ACSF3: variants seen among roughly 807,000 people sequenced by gnomAD.
ACSF3 encodes the protein acyl-CoA synthetase family member 3.
ACSF3 carries 78 observed loss-of-function variants against 53.2 expected under a neutral mutation model. The observed-to-expected ratio is 1.47, with a 90% confidence interval of 1.22 to 1.77. The LOEUF (loss-of-function observed/expected upper bound fraction) is 1.77, where lower values mean the gene tolerates loss of function less well. Ranked by LOEUF, ACSF3 falls within the 40% of genes most tolerant of loss-of-function variation. The pLI is 0.00. For synonymous variants in ACSF3, 414 were observed against 333.1 expected (o/e 1.24, Z -2.65); for missense variants, 937 against 771.1 (o/e 1.22, Z -2.55).
At chr16:89,108,618 C>T (rs373751493) in intron 4 of ACSF3, among the ~76,000 whole-genome samples, 13 of 152,264 alleles carry the variant, frequency 8.5e-5, no homozygotes, top group African/African-American at 2.9e-4. Context: ...GAGATGGCAG[C>T]GTGTGCAAAT....
At chr16:89,122,511 C>A in intron 7 of ACSF3, 1 of 372,304 alleles carries the variant, frequency 2.7e-6, no homozygotes, top group Non-Finnish European at 5.5e-6. Context: ...AAGTCTGTGC[C>A]CTGCAGTGCC....
intron 8 of ACSF3, chr16:89,136,793 C>T (rs755162707): frequency 3.9e-5 from 50 of 1,287,112 alleles, no homozygotes; most frequent in Admixed American, 2.5e-4. Flanking sequence ...CAGGGGTCTC[C>T]GCTGCTGCTC....
At chr16:89,098,026 ATC>A (rs1974823374) in intron 1 of ACSF3, among the ~76,000 whole-genome samples, 1 of 151,974 alleles carries the variant, frequency 6.6e-6, no homozygotes, top group African/African-American at 2.4e-5. Context: ...GTGAGCCGAG[ATC>A]GTGCCACTGC....
At position 89,112,248 on chromosome 16, in the gene ACSF3, T is replaced by G; in HGVS notation, c.977+2T>G. 1 of 1,614,104 alleles carries G rather than the reference T, an allele frequency of 6.2e-7. No individual in the cohort carries two copies. The highest frequency in any genetic ancestry group is 1.6e-4 in the Middle Eastern group (1 of 6,062). On this transcript the variant is annotated splice_donor_variant, in intron 5 of 10. Coordinates refer to ENST00000614302, the MANE Select transcript of ACSF3 (RefSeq NM_001243279.3). LOFTEE classifies it high-confidence loss of function. ...TGCAGTTTGTGAAGAAAAAATTAGGTAAGTGAAAAGAGCCCACTTTCTCGT... is the reference window on the plus strand; with the variant it reads ...TGCAGTTTGTGAAGAAAAAATTAGGGAAGTGAAAAGAGCCCACTTTCTCGT...
intron 1 of ACSF3, among the ~76,000 whole-genome samples, chr16:89,095,749 GC>G (rs1436651157): frequency 6.6e-6 from 1 of 152,210 alleles, no homozygotes; most frequent in Admixed American, 6.5e-5. Context: ...TGAGCACGGC[GC>G]GGCCGTTTGT....
At chr16:89,116,350 G>A (rs577859555) in intron 6 of ACSF3, among the ~76,000 whole-genome samples, 24 of 152,260 alleles carry the variant, frequency 1.6e-4, no homozygotes, top group South Asian at 4.1e-4. Context: ...TAGGGTAAGC[G>A]TGGACATGGG....
intron 6 of ACSF3, 136 bp from the exon 7 acceptor site, chr16:89,120,663 CAG>C (rs1410995006): frequency 1.1e-5 from 9 of 827,990 alleles, no homozygotes; most frequent in Non-Finnish European, 1.9e-5. Context: ...CTCTGGGTCA[CAG>C]GGCACGTCGC....
rs1251474100 is a variant in ACSF3, at chr16:89,155,582, A to G, written c.*1375A>G. ...TGGCCTTGTGCATCCCCATGGCCTG[A>G]CCCCGGGAACAGTCAGAGGAAGGGG... On this transcript the variant is annotated 3_prime_UTR_variant, in exon 11 of 11. Transcript: ENST00000614302. The G allele has an allele frequency of 2.2e-6, 1 of 453,874 alleles. No individual in the cohort carries two copies. Among genetic ancestry groups the G allele is most frequent in the African/African-American group, 2.0e-5 (1 of 50,056 alleles). 28.1% of individuals were successfully genotyped at this position (453,874 alleles called of 1,614,324 possible). A position where few individuals can be genotyped will look rare whatever the true frequency, so the allele number is the denominator to read the frequency against.
rs202121474 is a variant in ACSF3 at position 89,100,864 on chromosome 16, C to G, written c.183C>G (p.Asp61Glu). ...TTGGGGACAGAATCGCCCTGGTTGA[C>G]CAGCACGGCCGCCACACGTACAGGG... ...LAFGDRIALV[D>E]QHGRHTYREL... is the part of the protein sequence containing the mutation. The change falls in exon 3 of 11, where the codon GAC (aspartate) becomes GAG (glutamate). Residue 61 changes from aspartate to glutamate, a missense_variant. Physicochemically the swap from Asp to Glu is conservative, Grantham distance 45. Coordinates refer to ENST00000614302, the MANE Select transcript of ACSF3 (RefSeq NM_001243279.3). 1.9e-6 allele frequency: 3 copies of G among 1,613,628 alleles called. No individual in the cohort carries two copies. The highest frequency in any genetic ancestry group is 3.3e-5 in the Admixed American group (2 of 60,036).
chr16:89,135,836 A>G (rs1471326964), intron 8 of ACSF3, among the ~76,000 whole-genome samples: 1 of 152,238 alleles, frequency 6.6e-6, no homozygotes, highest in Non-Finnish European at 1.5e-5. Context: ...GTGCAGTGGC[A>G]CGATCTCAGC....
At position 89,155,391 on chromosome 16, in the gene ACSF3, A is replaced by G; in HGVS notation, c.*1184A>G. The G allele has an allele frequency of 2.2e-6, 1 of 452,966 alleles. No homozygotes were observed. Among genetic ancestry groups the G allele is most frequent in the Non-Finnish European group, 4.4e-6 (1 of 225,760 alleles). The allele number at this position is 452,966 out of a possible 1,614,324, so 28.1% of individuals were successfully genotyped here. A position where few individuals can be genotyped will look rare whatever the true frequency, so the allele number is the denominator to read the frequency against. ...AGGAGACCAGCCCCATCTCAGGCTC[A>G]CATGCCTCGCGGACAGTTGGACGTG... is the stretch of plus-strand genomic sequence containing the variant. On this transcript the variant is annotated 3_prime_UTR_variant, in exon 11 of 11. Transcript: ENST00000614302.
rs1281653415 is a variant in ACSF3, at chr16:89,098,657, C to T, written c.-127C>T. 2.2e-6 allele frequency: 1 copy of T among 454,158 alleles called. No homozygotes were observed. 28.1% of individuals were successfully genotyped at this position (454,158 alleles called of 1,614,324 possible). On this transcript the variant is annotated 5_prime_UTR_variant, in exon 2 of 11. Coordinates refer to ENST00000614302, the MANE Select transcript of ACSF3 (RefSeq NM_001243279.3). The stretch of plus-strand genomic sequence containing the variant: ...CCTGCCCCAGGAGGATGAGCATTTG[C>T]ATTGCCTGCACCTTATCGTGCCCTT...
At chr16:89,145,078 C>T in intron 8 of ACSF3, 189 bp from the exon 9 acceptor site, 1 of 1,506,570 alleles carries the variant, frequency 6.6e-7, no homozygotes. Flanking sequence ...ACGTCGTGAC[C>T]ACCAGGAATG....
intron 7 of ACSF3, among the ~76,000 whole-genome samples, chr16:89,125,814 GTCTC>G (rs1907918942): frequency 6.6e-6 from 1 of 152,244 alleles, no homozygotes; most frequent in Admixed American, 6.5e-5. Context: ...AACATGGTAT[GTCTC>G]TCCATTTACT....
chr16:89,144,425 C>T (rs932962715), intron 8 of ACSF3, among the ~76,000 whole-genome samples: 2 of 152,230 alleles, frequency 1.3e-5, no homozygotes, highest in Non-Finnish European at 1.5e-5. Flanking sequence ...GCTCCAGGCA[C>T]CCAGGAAAGG....
rs926801710 is a variant in ACSF3 at position 89,136,589 on chromosome 16, A to G, written c.1366+3327A>G. The G allele has an allele frequency of 5.6e-5, 72 of 1,284,492 alleles. No individual in the cohort carries two copies. In the African/African-American group the frequency reaches 5.6e-4, roughly 10 times the overall value. 79.6% of individuals were successfully genotyped at this position (1,284,492 alleles called of 1,614,324 possible). A position where few individuals can be genotyped will look rare whatever the true frequency, so the allele number is the denominator to read the frequency against. ...CGGATTCTGGCATAAGCCGGCGGGC[A>G]CAGGGGACAGCCAGGGATGGCTGGA... is the stretch of plus-strand genomic sequence containing the variant. On this transcript the variant is annotated intron_variant, in intron 8 of 10. Coordinates refer to ENST00000614302, the MANE Select transcript of ACSF3 (RefSeq NM_001243279.3).
intron 8 of ACSF3, among the ~76,000 whole-genome samples, chr16:89,135,922 C>T (rs983358173): frequency 2.0e-5 from 3 of 152,186 alleles, no homozygotes; most frequent in Non-Finnish European, 4.4e-5. Context: ...TTACAGGCGC[C>T]CGCCACCACG....
chr16:89,098,068 C>T (rs947573023), intron 1 of ACSF3, among the ~76,000 whole-genome samples: 9 of 151,444 alleles, frequency 5.9e-5, no homozygotes, highest in South Asian at 2.1e-4. Flanking sequence ...AGCGAGACTC[C>T]GTCTCAAAAA....
intron 10 of ACSF3, chr16:89,150,366 A>G (rs1485020874): frequency 2.0e-5 from 3 of 152,812 alleles, no homozygotes; most frequent in Non-Finnish European, 4.4e-5. Flanking sequence ...TTCATTAAAC[A>G]GTTACCTTGA....
Sources: allele counts gnomAD v4.1 joint callset (sites outside exome capture counted in the v4.1 genomes callset), GRCh38; gene constraint gnomAD v4.1.1; transcripts MANE v1.5; gene names NCBI Gene and HGNC (gene_info 2026-07-23, HGNC 2026-07-21).